The following ERC1 variants were observed in gnomAD, a reference collection of about 807,000 sequenced individuals.
The protein encoded by ERC1 is RAB6 interacting protein 2.
ERC1 carries 56 observed loss-of-function variants against 132.0 expected under a neutral mutation model. The observed-to-expected ratio is 0.42, with a 90% CI of 0.34 to 0.53. The LOEUF is 0.53. Ranked by LOEUF, ERC1 falls within the 20% of genes least tolerant of loss-of-function variation. The pLI, the probability that ERC1 is intolerant of heterozygous loss-of-function variation, is 0.03. For missense variants in ERC1, 1,202 were observed against 1,349.9 expected, an observed-to-expected ratio of 0.89 and a Z score of 1.72; for synonymous variants, 478 against 476.1, an observed-to-expected ratio of 1.00 and a Z score of -0.05.
At chr12:1,223,036 T>C (rs780982221) in intron 12 of ERC1, among the ~76,000 whole-genome samples, 1 of 152,338 alleles carries the variant, frequency 6.6e-6, no homozygotes, top group East Asian at 1.9e-4. Context: ...GTTTCCTTTT[T>C]ACGCATTTGT....
intron 1 of ERC1, among the ~76,000 whole-genome samples, chr12:995,124 G>A (rs201596076): frequency 6.6e-6 from 1 of 151,778 alleles, no homozygotes; most frequent in East Asian, 1.9e-4. Flanking sequence ...TAGCATGGCA[G>A]TATGTGCCTA....
At chr12:1,108,228 A>T (rs1254985069) in intron 4 of ERC1, among the ~76,000 whole-genome samples, 1 of 152,130 alleles carries the variant, frequency 6.6e-6, no homozygotes, top group Non-Finnish European at 1.5e-5. Context: ...TTTATGGCTC[A>T]TGATTTGGTA....
At chr12:1,347,282 A>C (rs899769715) in intron 15 of ERC1, among the ~76,000 whole-genome samples, 2 of 152,234 alleles carry the variant, frequency 1.3e-5, no homozygotes, top group East Asian at 3.9e-4. Flanking sequence ...TTTGGCTAAG[A>C]TCAACTGAAA....
intron 1 of ERC1, among the ~76,000 whole-genome samples, chr12:1,012,663 C>G (rs1964891229): frequency 6.6e-6 from 1 of 151,912 alleles, no homozygotes; most frequent in Admixed American, 6.6e-5. Flanking sequence ...ACCATGTTGG[C>G]AAGGATGGTC....
intron 2 of ERC1, among the ~76,000 whole-genome samples, chr12:1,045,383 G>A (rs923217437): frequency 6.6e-6 from 1 of 152,068 alleles, no homozygotes; most frequent in Admixed American, 6.6e-5. Flanking sequence ...CTGTGATGCT[G>A]TTATCAAAGG....
chr12:1,447,942 G>C (rs973731430), intron 18 of ERC1, among the ~76,000 whole-genome samples: 1 of 152,174 alleles, frequency 6.6e-6, no homozygotes, highest in African/African-American at 2.4e-5. Context: ...GAGTGACCAT[G>C]CCTGCCCAGC....
intron 7 of ERC1, among the ~76,000 whole-genome samples, chr12:1,140,653 A>AGT (rs1287206168): frequency 5.3e-5 from 8 of 152,156 alleles, no homozygotes; most frequent in African/African-American, 1.9e-4. Flanking sequence ...GATAGGAAAA[A>AGT]TAAGACAAGT....
intron 2 of ERC1, among the ~76,000 whole-genome samples, chr12:1,036,543 T>A (rs1969129820): frequency 6.6e-6 from 1 of 151,884 alleles, no homozygotes; most frequent in African/African-American, 2.4e-5. Flanking sequence ...CCCGGCTAAT[T>A]TTTTGTATTT....
At chr12:1,109,597 C>T (rs887823153) in intron 4 of ERC1, among the ~76,000 whole-genome samples, 4 of 152,086 alleles carry the variant, frequency 2.6e-5, no homozygotes, top group Admixed American at 2.0e-4. Flanking sequence ...GAAATTTTAA[C>T]CAGTTTTTCA....
At chr12:1,298,959 G>A (rs370648073) in intron 15 of ERC1, among the ~76,000 whole-genome samples, 1 of 152,028 alleles carries the variant, frequency 6.6e-6, no homozygotes, top group African/African-American at 2.4e-5. Context: ...AGATAAAGGG[G>A]ACAACACATC....
chr12:1,260,065 ATCT>A (rs2077050118), intron 13 of ERC1, among the ~76,000 whole-genome samples: 1 of 152,076 alleles, frequency 6.6e-6, no homozygotes, highest in Non-Finnish European at 1.5e-5. Flanking sequence ...TGGATCCCAC[ATCT>A]TCTTTCCAGG....
At chr12:1,358,174 A>C (rs148329877) in intron 15 of ERC1, among the ~76,000 whole-genome samples, 53 of 149,376 alleles carry the variant, frequency 3.5e-4, no homozygotes, top group African/African-American at 1.2e-3. Flanking sequence ...GTGAAAAAAC[A>C]TTGCACCCCA....
At chr12:1,479,039 A>G (rs1382277466) in intron 18 of ERC1, among the ~76,000 whole-genome samples, 2 of 152,196 alleles carry the variant, frequency 1.3e-5, no homozygotes, top group Non-Finnish European at 2.9e-5. Flanking sequence ...TGTTTTGCAT[A>G]TAGCCCCACC....
intron 14 of ERC1, among the ~76,000 whole-genome samples, chr12:1,284,308 G>GTGTGTA (rs1198068155): frequency 1.2e-3 from 173 of 139,352 alleles, no homozygotes; most frequent in Non-Finnish European, 2.2e-3. Context: ...GTGTGTGTGT[G>GTGTGTA]TATACATACC....
Position 1,493,890 on chromosome 12 carries a change from C to G in ERC1, c.*3660C>G, listed in dbSNP as rs1025315243. 4.3e-6 allele frequency: 1 copy of G among 230,130 alleles called. No individual in the cohort carries two copies. Among genetic ancestry groups the G allele is most frequent in the Non-Finnish European group, 8.6e-6 (1 of 116,214 alleles). The allele number at this position is 230,130 out of a possible 1,614,324, so 14.3% of individuals were successfully genotyped here. On this transcript the variant is annotated 3_prime_UTR_variant, in exon 19 of 19. Transcript: ENST00000360905. ...GCCACCTGCTGAACTAATCCCTCCG[C>G]TATTGAGGGTCAGGGTTGTGAGGCA...
intron 2 of ERC1, among the ~76,000 whole-genome samples, chr12:1,037,649 TC>T (rs1488249574): frequency 6.6e-6 from 1 of 152,216 alleles, no homozygotes; most frequent in African/African-American, 2.4e-5. Context: ...TTTCCTTTTT[TC>T]TTTCTTTGTT....
At position 1,317,125 on chromosome 12, in the gene ERC1, C is replaced by T. The variant is rs1321046455; in HGVS notation, c.2780+27113C>T. Reference sequence around the variant, plus strand: ...GCAGTGAGCCGAGGTCATGCCATTGCACTCCACCCTGGGCAACAAGAGAGA... The same window carrying T: ...GCAGTGAGCCGAGGTCATGCCATTGTACTCCACCCTGGGCAACAAGAGAGA... On this transcript the variant is annotated intron_variant, in intron 15 of 18. Transcript: ENST00000360905. 4.7e-5 allele frequency among the ~76,000 whole-genome samples: 7 copies of T among 149,868 alleles called. No homozygotes were observed. In the East Asian group the frequency reaches 1.2e-3, roughly 25 times the overall value.
At chr12:1,254,607 G>C (rs1323926229) in intron 13 of ERC1, among the ~76,000 whole-genome samples, 1 of 152,040 alleles carries the variant, frequency 6.6e-6, no homozygotes, top group South Asian at 2.1e-4. Context: ...CCGCCTCCCC[G>C]GTTCAGGCAA....
chr12:1,026,529 G>A (rs1239992984), intron 1 of ERC1, among the ~76,000 whole-genome samples: 1 of 152,212 alleles, frequency 6.6e-6, no homozygotes, highest in Admixed American at 6.5e-5. Flanking sequence ...AAACCTTGCA[G>A]GTCAGATGTG....
Sources: gnomAD v4.1 joint callset for allele counts (sites outside exome capture counted in the v4.1 genomes callset) on GRCh38, gnomAD v4.1.1 for gene constraint, MANE v1.5 for transcripts, NCBI Gene and HGNC (gene_info 2026-07-23, HGNC 2026-07-21) for gene names.